The following ELF2 variants were observed in gnomAD, a reference collection of about 807,000 sequenced individuals.
ELF2 encodes the protein ETS-related transcription factor Elf-2.
ELF2 carries 11 observed loss-of-function variants against 54.8 expected under a neutral mutation model. The ratio of observed to expected loss-of-function variants is 0.20; its 90% CI spans 0.13 to 0.33. The LOEUF (loss-of-function observed/expected upper bound fraction) is 0.33. Ranked by LOEUF, ELF2 falls within the 10% of genes least tolerant of loss-of-function variation. ELF2 has a pLI of 1.00. For missense variants in ELF2, 513 were observed against 703.0 expected (o/e 0.73, Z 3.06); for synonymous variants, 203 against 245.1 (o/e 0.83, Z 1.61).
At chr4:139,062,081 G>A in intron 7 of ELF2, 24 bp from the exon 8 acceptor site, 1 of 1,591,350 alleles carries the variant, frequency 6.3e-7, no homozygotes, top group Non-Finnish European at 8.6e-7. Flanking sequence ...GACAGACATT[G>A]ATTAAAATTC....
chr4:139,074,811 A>C (rs1255996621), intron 4 of ELF2, among the ~76,000 whole-genome samples: 1 of 152,078 alleles, frequency 6.6e-6, no homozygotes, highest in Admixed American at 6.6e-5. Context: ...GGCAATAAAA[A>C]AAATACAACA....
At position 139,151,068 on chromosome 4, in the gene ELF2, G is replaced by GAAAGAAAGAAAGAAAGAAAGAAAGAAAGA. The variant is rs1560871590; in HGVS notation, c.-251-11572_-251-11571insTCTTTCTTTCTTTCTTTCTTTCTTTCTTT. ...AGAAAGAAAGAAAGAAAGAAAGAAA[G>GAAAGAAAGAAAGAAAGAAAGAAAGAAAGA]AAAGAAAGAAAGAAAGAAAGAAAGA... On this transcript the variant is annotated intron_variant, in intron 1 of 9. Transcript: ENST00000686138. 1.1e-3 allele frequency among the ~76,000 whole-genome samples: 153 copies of GAAAGAAAGAAAGAAAGAAAGAAAGAAAGA among 134,450 alleles called. 2 individuals carry two copies. Among genetic ancestry groups the GAAAGAAAGAAAGAAAGAAAGAAAGAAAGA allele is most frequent in the African/African-American group, 4.5e-3 (149 of 33,190 alleles). The allele number at this position is 134,450 out of a possible 152,430, so 88.2% of individuals were successfully genotyped here.
At chr4:139,095,495 T>C (rs1222914936) in intron 4 of ELF2, among the ~76,000 whole-genome samples, 1 of 152,082 alleles carries the variant, frequency 6.6e-6, no homozygotes, top group Non-Finnish European at 1.5e-5. Context: ...GCTATAGATT[T>C]TTAATATATA....
At chr4:139,102,890 T>C (rs918537084) in intron 4 of ELF2, among the ~76,000 whole-genome samples, 1 of 151,802 alleles carries the variant, frequency 6.6e-6, no homozygotes, top group Admixed American at 6.6e-5. Context: ...CATAAATGTT[T>C]TTTTTTTTCC....
intron 4 of ELF2, among the ~76,000 whole-genome samples, chr4:139,089,292 C>T (rs1732337972): frequency 6.6e-6 from 1 of 152,170 alleles, no homozygotes; most frequent in Admixed American, 6.5e-5. Flanking sequence ...GAACCCATCT[C>T]ACACATTTTT....
intron 6 of ELF2, among the ~76,000 whole-genome samples, chr4:139,069,132 G>A (rs1029968716): frequency 1.3e-5 from 2 of 152,056 alleles, no homozygotes; most frequent in African/African-American, 4.8e-5. Flanking sequence ...GCCTCCCAAA[G>A]TGCTGGGATT....
chr4:139,085,189 T>C (rs1731840253), intron 4 of ELF2, among the ~76,000 whole-genome samples: 1 of 152,250 alleles, frequency 6.6e-6, no homozygotes, highest in Non-Finnish European at 1.5e-5. Flanking sequence ...TTAATGACTA[T>C]AAATTTACTG....
At position 139,097,335 on chromosome 4, in the gene ELF2, T is replaced by A. The variant is rs141657210; in HGVS notation, c.239-23768A>T. On this transcript the variant is annotated intron_variant, in intron 4 of 9. Coordinates refer to ENST00000686138, the MANE Select transcript of ELF2 (RefSeq NM_001331036.3). Reference sequence around the variant, plus strand: ...CCCACACCCAGCTACATTCCAAGTTTTAATGTGCAATATTTTCGGCCAGAC... The same window carrying A: ...CCCACACCCAGCTACATTCCAAGTTATAATGTGCAATATTTTCGGCCAGAC... Among the ~76,000 whole-genome samples, 436 of 152,252 alleles carry A rather than the reference T, an allele frequency of 2.9e-3. 1 individual carries two copies. Among genetic ancestry groups the A allele is most frequent in the African/African-American group, 1.0e-2 (415 of 41,532 alleles).
chr4:139,128,132 G>A (rs774364832), intron 3 of ELF2, among the ~76,000 whole-genome samples: 19 of 151,284 alleles, frequency 1.3e-4, no homozygotes, highest in Non-Finnish European at 2.1e-4. Context: ...AATATCAGCC[G>A]GGCGTTGTGG....
At chr4:139,106,215 T>A (rs1415729031) in intron 4 of ELF2, among the ~76,000 whole-genome samples, 1 of 151,956 alleles carries the variant, frequency 6.6e-6, no homozygotes, top group Non-Finnish European at 1.5e-5. Flanking sequence ...ATATGAAAAA[T>A]TACCACTACA....
At chr4:139,166,846 C>T (rs967678910) in intron 1 of ELF2, among the ~76,000 whole-genome samples, 9 of 151,900 alleles carry the variant, frequency 5.9e-5, no homozygotes, top group Non-Finnish European at 1.2e-4. Context: ...CCAGCCTGGG[C>T]GAGAGTGTGA....
chr4:139,147,798 T>TC (rs1560866645), intron 1 of ELF2, among the ~76,000 whole-genome samples: 13 of 148,556 alleles, frequency 8.8e-5, no homozygotes, highest in African/African-American at 3.3e-4. Flanking sequence ...TTTTTTTTTT[T>TC]TTCCTGAGAT....
intron 4 of ELF2, chr4:139,115,244 C>G: frequency 3.1e-6 from 5 of 1,609,806 alleles, no homozygotes; most frequent in Non-Finnish European, 4.2e-6. Flanking sequence ...TCATCGTCCG[C>G]GCCGCCCGGG....
intron 4 of ELF2, among the ~76,000 whole-genome samples, chr4:139,124,116 G>A (rs554554140): frequency 2.7e-3 from 411 of 152,194 alleles, no homozygotes; most frequent in Non-Finnish European, 4.4e-3. Flanking sequence ...GACCTTGAGC[G>A]AGCCACCTGC....
chr4:139,119,797 G>A (rs1207265982), intron 4 of ELF2, among the ~76,000 whole-genome samples: 1 of 151,956 alleles, frequency 6.6e-6, no homozygotes, highest in Non-Finnish European at 1.5e-5. Context: ...GTTTGTTTTT[G>A]AGATGGAGTT....
chr4:139,140,526 G>A (rs1442393306), intron 1 of ELF2, among the ~76,000 whole-genome samples: 1 of 152,176 alleles, frequency 6.6e-6, no homozygotes, highest in Non-Finnish European at 1.5e-5. Context: ...GAGGAAGGCA[G>A]AAGATCACTT....
chr4:139,104,355 CAA>C (rs1734202726), intron 4 of ELF2, among the ~76,000 whole-genome samples: 1 of 151,722 alleles, frequency 6.6e-6, no homozygotes, highest in Non-Finnish European at 1.5e-5. Context: ...ATTAAAAACA[CAA>C]AAATTAGCCA....
intron 1 of ELF2, among the ~76,000 whole-genome samples, chr4:139,169,121 G>A (rs1298415274): frequency 6.6e-6 from 1 of 152,006 alleles, no homozygotes; most frequent in African/African-American, 2.4e-5. Context: ...GCCAGGGCAG[G>A]CAGATCACTT....
At chr4:139,070,447 C>T (rs1039731582) in intron 6 of ELF2, among the ~76,000 whole-genome samples, 10 of 151,952 alleles carry the variant, frequency 6.6e-5, no homozygotes, top group Admixed American at 1.3e-4. Flanking sequence ...TGCAACACCA[C>T]GGCTGGCTAA....
Sources: gnomAD v4.1 joint callset for allele counts (sites outside exome capture counted in the v4.1 genomes callset) on GRCh38, gnomAD v4.1.1 for gene constraint, MANE v1.5 for transcripts, NCBI Gene and HGNC (gene_info 2026-07-23, HGNC 2026-07-21) for gene names.